Variants in SIL1 observed in about 807,000 individuals in gnomAD.
The protein encoded by SIL1 is SIL1 nucleotide exchange factor, also known as nucleotide exchange factor SIL1.
A neutral mutation model predicts 49.1 loss-of-function variants in SIL1; 40 were observed. That is an observed-to-expected ratio of 0.81 (90% confidence interval 0.63 to 1.06). The LOEUF (loss-of-function observed/expected upper bound fraction) is 1.06. Ranked by LOEUF, SIL1 falls within the 50% of genes least tolerant of loss-of-function variation. The probability of loss-of-function intolerance (pLI) is 0.00; values close to 1 mark genes in which losing one functional copy is unlikely to be tolerated. For missense variants in SIL1, 500 were observed against 572.6 expected, an observed-to-expected ratio of 0.87 and a Z score of 1.29; for synonymous variants, 253 against 250.8, an observed-to-expected ratio of 1.01 and a Z score of -0.08.
At chr5:139,003,204 T>C (rs1768028272) in intron 7 of SIL1, among the ~76,000 whole-genome samples, 1 of 152,050 alleles carries the variant, frequency 6.6e-6, no homozygotes, top group South Asian at 2.1e-4. Flanking sequence ...GGAGATGAGC[T>C]GAAGAAGGGA....
intron 3 of SIL1, among the ~76,000 whole-genome samples, chr5:139,057,314 T>TAAAAAAA (rs67544778): frequency 2.7e-5 from 2 of 73,364 alleles, no homozygotes; most frequent in African/African-American, 1.2e-4. Context: ...GAATGATCAA[T>TAAAAAAA]AAAAAAAAAA....
chr5:139,110,184 GA>G (rs1405350427), intron 3 of SIL1, among the ~76,000 whole-genome samples: 4 of 148,910 alleles, frequency 2.7e-5, no homozygotes, highest in Non-Finnish European at 6.0e-5. Context: ...AAAAAAAAAA[GA>G]AGAGCCTGAA....
At chr5:139,062,936 A>T (rs1411679779) in intron 3 of SIL1, among the ~76,000 whole-genome samples, 9 of 152,226 alleles carry the variant, frequency 5.9e-5, no homozygotes, top group Non-Finnish European at 1.2e-4. Flanking sequence ...AACAAGACCA[A>T]TGCCTGCCAT....
intron 3 of SIL1, among the ~76,000 whole-genome samples, chr5:139,057,367 G>A (rs1419231223): frequency 4.1e-5 from 6 of 147,506 alleles, no homozygotes; most frequent in African/African-American, 1.3e-4. Context: ...TCTGGTCCAA[G>A]AAGGATGAGA....
chr5:139,075,112 C>T (rs1040174369), intron 3 of SIL1, among the ~76,000 whole-genome samples: 2 of 152,160 alleles, frequency 1.3e-5, no homozygotes, highest in East Asian at 1.9e-4. Flanking sequence ...CGTGAGCCAT[C>T]GTGCCTGGCC....
intron 7 of SIL1, among the ~76,000 whole-genome samples, chr5:138,966,178 T>C (rs1284324741): frequency 6.6e-6 from 1 of 151,984 alleles, no homozygotes; most frequent in Non-Finnish European, 1.5e-5. Context: ...AGCCTTCCAC[T>C]CAAACCCCCG....
chr5:139,184,338 T>C (rs1317872706), intron 1 of SIL1, among the ~76,000 whole-genome samples: 2 of 152,164 alleles, frequency 1.3e-5, no homozygotes, highest in Non-Finnish European at 2.9e-5. Flanking sequence ...AAATGGGTCA[T>C]TTAGACTCTC....
intron 7 of SIL1, among the ~76,000 whole-genome samples, chr5:138,956,827 AC>A: frequency 6.6e-6 from 1 of 152,078 alleles, no homozygotes; most frequent in Non-Finnish European, 1.5e-5. Context: ...AAAAAACAAA[AC>A]AAAAAAAACA....
chr5:138,990,798 C>T (rs145483401), intron 7 of SIL1, among the ~76,000 whole-genome samples: 1,913 of 152,336 alleles, frequency 0.013, 35 homozygotes, highest in African/African-American at 0.043. Flanking sequence ...TCACCGCAAC[C>T]TCTACCTCCT....
chr5:139,096,781 T>C (rs1770475872), intron 3 of SIL1, among the ~76,000 whole-genome samples: 1 of 151,852 alleles, frequency 6.6e-6, no homozygotes, highest in East Asian at 2.0e-4. Flanking sequence ...GAAAAGCCCT[T>C]AGACCCTGAA....
chr5:139,062,747 C>T (rs898259407), intron 3 of SIL1, among the ~76,000 whole-genome samples: 1 of 152,202 alleles, frequency 6.6e-6, no homozygotes. Flanking sequence ...CAGCACAAGG[C>T]TCAAAGTAAC....
intron 1 of SIL1, among the ~76,000 whole-genome samples, chr5:139,170,263 G>A (rs1751723492): frequency 6.6e-6 from 1 of 152,188 alleles, no homozygotes; most frequent in African/African-American, 2.4e-5. Context: ...AAAGTGCCGA[G>A]ATTGCAGCTT....
In SIL1 at chr5:139,017,482, T is replaced by C. The variant is rs150671213; in HGVS notation, c.767+3689A>G. 1.3e-3 allele frequency among the ~76,000 whole-genome samples: 194 copies of C among 152,170 alleles called. 1 individual carries two copies. The highest frequency in any genetic ancestry group is 4.3e-3 in the African/African-American group (178 of 41,516). On this transcript the variant is annotated intron_variant, in intron 7 of 9. Coordinates refer to ENST00000394817, the MANE Select transcript of SIL1 (RefSeq NM_022464.5). ...GGAAAGTTCAAAAGTACTGCAAACA[T>C]GAATGCTTATAAGCCCATGTAATTG...
intron 1 of SIL1, among the ~76,000 whole-genome samples, chr5:139,197,955 G>A (rs1227422035): frequency 2.0e-5 from 3 of 152,192 alleles, no homozygotes; most frequent in African/African-American, 7.2e-5. Flanking sequence ...CGGAAACTTA[G>A]GCTGGGAGAA....
intron 5 of SIL1, 41 bp from the exon 6 acceptor site, chr5:139,027,033 C>T: frequency 6.2e-7 from 1 of 1,604,018 alleles, no homozygotes; most frequent in East Asian, 2.2e-5. Flanking sequence ...TGGTTGGAGA[C>T]ATCTGCCCAA....
At chr5:139,041,744 C>T (rs2150445630) in intron 5 of SIL1, among the ~76,000 whole-genome samples, 1 of 150,150 alleles carries the variant, frequency 6.7e-6, no homozygotes, top group South Asian at 2.1e-4. Context: ...GTGGACCTTG[C>T]AGTGAGCCAA....
At chr5:139,047,513 T>C (rs542668514) in intron 4 of SIL1, among the ~76,000 whole-genome samples, 1 of 152,240 alleles carries the variant, frequency 6.6e-6, no homozygotes, top group Non-Finnish European at 1.5e-5. Context: ...TCTAGGCCAA[T>C]GGTTCTTAAC....
chr5:139,099,850 T>A (rs558387956), intron 3 of SIL1, among the ~76,000 whole-genome samples: 1 of 152,248 alleles, frequency 6.6e-6, no homozygotes, highest in South Asian at 2.1e-4. Context: ...AAAGAATAAG[T>A]AAGACCTACT....
chr5:138,955,729 C>T (rs753988778), intron 7 of SIL1, among the ~76,000 whole-genome samples: 2 of 152,134 alleles, frequency 1.3e-5, no homozygotes, highest in African/African-American at 2.4e-5. Flanking sequence ...GCCTTTTGTT[C>T]AAGAATTATC....
Sources: gnomAD v4.1 joint callset for allele counts (sites outside exome capture counted in the v4.1 genomes callset) on GRCh38, gnomAD v4.1.1 for gene constraint, MANE v1.5 for transcripts, NCBI Gene and HGNC (gene_info 2026-07-23, HGNC 2026-07-21) for gene names.